Variants in PRKAR2B observed in about 807,000 individuals in gnomAD.
PRKAR2B encodes cAMP-dependent protein kinase type II-beta regulatory subunit.
In PRKAR2B, 14 loss-of-function variants were observed where a neutral mutation model predicts 49.9. That is an observed-to-expected ratio of 0.28 (90% CI 0.19 to 0.44). PRKAR2B has a LOEUF of 0.44. Ranked by LOEUF, PRKAR2B falls within the 20% of genes least tolerant of loss-of-function variation. The probability of loss-of-function intolerance (pLI) is 1.00; values close to 1 mark genes in which losing one functional copy is unlikely to be tolerated. For synonymous variants in PRKAR2B, 196 were observed against 197.7 expected (o/e 0.99, Z 0.07); for missense variants, 393 against 537.9 (o/e 0.73, Z 2.67).
chr7:107,130,491 C>T (rs1024860196), intron 4 of PRKAR2B, among the ~76,000 whole-genome samples: 6 of 151,530 alleles, frequency 4.0e-5, no homozygotes, highest in South Asian at 2.1e-4. Context: ...GGCAACAGAG[C>T]GAGACTCTGT....
intron 1 of PRKAR2B, among the ~76,000 whole-genome samples, chr7:107,064,132 G>A (rs1794082949): frequency 6.6e-6 from 1 of 152,102 alleles, no homozygotes; most frequent in Admixed American, 6.5e-5. Flanking sequence ...AAATCTCTGT[G>A]TAGTTTTATA....
intron 3 of PRKAR2B, among the ~76,000 whole-genome samples, chr7:107,122,304 A>G (rs1795403981): frequency 1.3e-5 from 2 of 152,328 alleles, no homozygotes; most frequent in South Asian, 4.1e-4. Context: ...CTAGTAAACA[A>G]AAATACTGGG....
intron 2 of PRKAR2B, among the ~76,000 whole-genome samples, chr7:107,104,035 T>C (rs1584430653): frequency 6.6e-6 from 1 of 152,138 alleles, no homozygotes; most frequent in South Asian, 2.1e-4. Context: ...CTTTTTTTTT[T>C]CTTCTCTTTT....
chr7:107,098,220 T>G (rs1794885957), intron 2 of PRKAR2B, among the ~76,000 whole-genome samples: 1 of 152,206 alleles, frequency 6.6e-6, no homozygotes, highest in African/African-American at 2.4e-5. Context: ...TTTCACTCTT[T>G]TTTCTCTAAA....
intron 1 of PRKAR2B, among the ~76,000 whole-genome samples, chr7:107,052,800 A>G (rs971364674): frequency 6.6e-6 from 1 of 152,180 alleles, no homozygotes; most frequent in African/African-American, 2.4e-5. Flanking sequence ...TTAGCATTTC[A>G]TGTACCTTAG....
At chr7:107,120,019 C>T (rs1795358790) in intron 2 of PRKAR2B, among the ~76,000 whole-genome samples, 3 of 152,126 alleles carry the variant, frequency 2.0e-5, no homozygotes, top group South Asian at 4.1e-4. Flanking sequence ...AAACGTGGGT[C>T]CTGTCACTTA....
chr7:107,109,431 T>G (rs1244663373), intron 2 of PRKAR2B, among the ~76,000 whole-genome samples: 2 of 151,434 alleles, frequency 1.3e-5, no homozygotes, highest in East Asian at 1.9e-4. Context: ...AGCTAATTTT[T>G]TTTTTTTTTT....
chr7:107,103,098 A>G (rs991697545), intron 2 of PRKAR2B, among the ~76,000 whole-genome samples: 1 of 152,196 alleles, frequency 6.6e-6, no homozygotes, highest in Non-Finnish European at 1.5e-5. Flanking sequence ...TTAAAACAAA[A>G]ATGTTTTCTT....
At chr7:107,094,168 C>T (rs946833097) in intron 2 of PRKAR2B, among the ~76,000 whole-genome samples, 26 of 152,222 alleles carry the variant, frequency 1.7e-4, no homozygotes, top group Admixed American at 2.0e-4. Context: ...TCCTCTCCAG[C>T]ACCTGTTGTT....
intron 4 of PRKAR2B, among the ~76,000 whole-genome samples, chr7:107,138,831 G>T (rs1795745160): frequency 6.6e-6 from 1 of 152,046 alleles, no homozygotes; most frequent in South Asian, 2.1e-4. Context: ...CGACAAGTGT[G>T]CACCACCATG....
At chr7:107,061,627 G>T (rs1794028850) in intron 1 of PRKAR2B, among the ~76,000 whole-genome samples, 1 of 152,166 alleles carries the variant, frequency 6.6e-6, no homozygotes, top group Non-Finnish European at 1.5e-5. Flanking sequence ...AGAATGGCTG[G>T]GTGCAGTAGC....
At chr7:107,133,696 AAACC>A (rs1475666397) in intron 4 of PRKAR2B, 1 of 152,234 alleles carries the variant, frequency 6.6e-6, no homozygotes, top group Non-Finnish European at 1.5e-5. Flanking sequence ...TGCTTCCTGC[AAACC>A]CATCACCATC....
chr7:107,153,727 T>C (rs1261314285), intron 8 of PRKAR2B, among the ~76,000 whole-genome samples: 1 of 152,200 alleles, frequency 6.6e-6, no homozygotes, highest in Non-Finnish European at 1.5e-5. Flanking sequence ...CTAATACTTT[T>C]CTAAGATCCC....
intron 6 of PRKAR2B, among the ~76,000 whole-genome samples, chr7:107,150,335 T>C (rs544429329): frequency 2.6e-4 from 39 of 152,266 alleles, no homozygotes; most frequent in African/African-American, 7.9e-4. Context: ...AACATAGTTG[T>C]AGTTTCTCTG....
At position 107,151,024 on chromosome 7, in the gene PRKAR2B, G is replaced by GT; in HGVS notation, c.843+2dup. ...ACTGCCATTCCTTAAATCTTTGGAG[G>GT]TAAGTATATGTTTATGCTTTTATTT... On this transcript the variant is annotated splice_donor_variant, in intron 7 of 10. Transcript: ENST00000265717. LOFTEE classifies it high-confidence loss of function. 1 of 1,517,912 alleles carries GT rather than the reference G, an allele frequency of 6.6e-7. No individual in the cohort carries two copies. Among genetic ancestry groups the GT allele is most frequent in the Non-Finnish European group, 9.0e-7 (1 of 1,115,020 alleles). The allele number at this position is 1,517,912 out of a possible 1,614,324, so 94.0% of individuals were successfully genotyped here. A position where few individuals can be genotyped will look rare whatever the true frequency, so the allele number is the denominator to read the frequency against.
intron 2 of PRKAR2B, among the ~76,000 whole-genome samples, chr7:107,115,602 T>A (rs1795257762): frequency 6.6e-6 from 1 of 152,190 alleles, no homozygotes; most frequent in Non-Finnish European, 1.5e-5. Flanking sequence ...CCACCTATTT[T>A]TATGTAAATG....
intron 3 of PRKAR2B, among the ~76,000 whole-genome samples, chr7:107,122,943 T>G (rs897303681): frequency 1.3e-5 from 2 of 152,192 alleles, no homozygotes; most frequent in Admixed American, 1.3e-4. Context: ...TTCATGAAGT[T>G]TATAAATCCT....
rs1054471483 is a variant in PRKAR2B, at chr7:107,160,769, A to C, written c.*1187A>C. The stretch of plus-strand genomic sequence containing the variant: ...TACCATTAGGCCTTGCCATTGCTTT[A>C]ATGTAGACTCATAGTTGAAATTAGT... On this transcript the variant is annotated 3_prime_UTR_variant, in exon 11 of 11. Transcript: ENST00000265717. The C allele has an allele frequency of 7.2e-5, 11 of 152,180 alleles. No individual in the cohort carries two copies. The highest frequency in any genetic ancestry group is 2.7e-4 in the African/African-American group (11 of 41,438). 9.4% of individuals were successfully genotyped at this position (152,180 alleles called of 1,614,324 possible).
intron 2 of PRKAR2B, among the ~76,000 whole-genome samples, chr7:107,102,704 T>C (rs1487881210): frequency 6.6e-6 from 1 of 152,204 alleles, no homozygotes; most frequent in African/African-American, 2.4e-5. Flanking sequence ...AGAGCCTCGC[T>C]CTGTCACCCA....
Sources: gnomAD v4.1 joint callset for allele counts (sites outside exome capture counted in the v4.1 genomes callset) on GRCh38, gnomAD v4.1.1 for gene constraint, MANE v1.5 for transcripts, NCBI Gene and HGNC (gene_info 2026-07-23, HGNC 2026-07-21) for gene names.